Variants in PTPN12 observed in about 807,000 individuals in gnomAD.
PTPN12 encodes the protein protein tyrosine phosphatase non-receptor type 12.
A neutral mutation model predicts 97.6 loss-of-function variants in PTPN12; 29 were observed. The observed-to-expected ratio is 0.30, with a 90% CI of 0.22 to 0.41. The LOEUF is 0.41. PTPN12 is among the 10% of genes least tolerant of loss of function. PTPN12 has a pLI of 1.00. For missense variants in PTPN12, 819 were observed against 926.0 expected, an observed-to-expected ratio of 0.88 and a Z score of 1.50; for synonymous variants, 327 against 300.4, an observed-to-expected ratio of 1.09 and a Z score of -0.91.
At chr7:77,618,409 A>G in intron 11 of PTPN12, 71 bp from the exon 12 acceptor site, 3 of 1,019,416 alleles carry the variant, frequency 2.9e-6, no homozygotes. Flanking sequence ...CACAGAAACA[A>G]TTTAGTTGAA....
At chr7:77,545,052 C>G (rs528915541) in intron 1 of PTPN12, among the ~76,000 whole-genome samples, 1 of 152,176 alleles carries the variant, frequency 6.6e-6, no homozygotes, top group Non-Finnish European at 1.5e-5. Context: ...GCTGCAGTTT[C>G]TTAAGGTAAC....
At chr7:77,600,607 C>G in intron 7 of PTPN12, 57 bp from the exon 8 acceptor site, 1 of 1,437,082 alleles carries the variant, frequency 7.0e-7, no homozygotes, top group East Asian at 2.4e-5. Context: ...ATGAGCTGTG[C>G]AACTTTAAAC....
chr7:77,559,827 T>G (rs1487740889), intron 1 of PTPN12, among the ~76,000 whole-genome samples: 2 of 152,176 alleles, frequency 1.3e-5, no homozygotes, highest in Non-Finnish European at 2.9e-5. Flanking sequence ...CTAGGCTCTG[T>G]GGGGGAAGAA....
At chr7:77,552,210 G>A (rs549114678) in intron 1 of PTPN12, among the ~76,000 whole-genome samples, 24 of 152,208 alleles carry the variant, frequency 1.6e-4, no homozygotes, top group African/African-American at 5.8e-4. Context: ...TCAAACTCCT[G>A]GACTCAACAG....
intron 8 of PTPN12, among the ~76,000 whole-genome samples, chr7:77,605,096 A>G (rs1045271742): frequency 1.3e-5 from 2 of 152,266 alleles, no homozygotes; most frequent in Non-Finnish European, 2.9e-5. Context: ...GTTTTGATGC[A>G]CAGAATTCAC....
At chr7:77,578,570 A>G (rs1033446932) in intron 2 of PTPN12, among the ~76,000 whole-genome samples, 3 of 152,202 alleles carry the variant, frequency 2.0e-5, no homozygotes, top group Non-Finnish European at 4.4e-5. Context: ...AATTAGCAGA[A>G]CTGGGCCTTT....
intron 12 of PTPN12, among the ~76,000 whole-genome samples, chr7:77,623,138 AG>A (rs1789005990): frequency 6.6e-6 from 1 of 152,302 alleles, no homozygotes; most frequent in Non-Finnish European, 1.5e-5. Flanking sequence ...TAAAAAATAT[AG>A]TTTTTTAAGT....
intron 6 of PTPN12, among the ~76,000 whole-genome samples, chr7:77,593,269 CAA>C (rs34709584): frequency 0.43 from 60,594 of 141,256 alleles, 13,527 homozygotes; most frequent in East Asian, 0.74. Flanking sequence ...AACTCCATCT[CAA>C]AAAAAAAAAA....
chr7:77,604,809 T>A lies in PTPN12; in HGVS notation c.696-2426T>A, dbSNP rs555385555. ...GTTTATATCATATATATATATATAT[T>A]TTTATCCACCTGGATTTTTTATGGT... On this transcript the variant is annotated intron_variant, in intron 8 of 17. Transcript: ENST00000248594. 353 of 365,648 alleles carry A rather than the reference T, an allele frequency of 9.7e-4. 1 individual carries two copies. The highest frequency in any genetic ancestry group is 6.2e-3 in the African/African-American group (294 of 47,122). The allele number at this position is 365,648 out of a possible 1,614,324, so 22.7% of individuals were successfully genotyped here. A position where few individuals can be genotyped will look rare whatever the true frequency, so the allele number is the denominator to read the frequency against.
chr7:77,552,229 G>A (rs1050675805), intron 1 of PTPN12, among the ~76,000 whole-genome samples: 3 of 151,926 alleles, frequency 2.0e-5, no homozygotes, highest in Admixed American at 2.0e-4. Flanking sequence ...AGATCCGCCT[G>A]CCTTAGCCTC....
chr7:77,605,409 G>GTTTTTTTTTTTTTTTTT lies in PTPN12; in HGVS notation c.696-1814_696-1798dup, dbSNP rs751962814. Among the ~76,000 whole-genome samples, 8 of 95,542 alleles carry GTTTTTTTTTTTTTTTTT rather than the reference G, an allele frequency of 8.4e-5. 1 individual carries two copies. The highest frequency in any genetic ancestry group is 2.9e-4 in the African/African-American group (7 of 24,238). The allele number at this position is 95,542 out of a possible 152,430, so 62.7% of individuals were successfully genotyped here. A position where few individuals can be genotyped will look rare whatever the true frequency, so the allele number is the denominator to read the frequency against. ...TTACTTTAAAATACTTTTGTCATGA[G>GTTTTTTTTTTTTTTTTT]TTTTTTTTTTTTTTTTTTTTTTTTT... is the stretch of plus-strand genomic sequence containing the variant. On this transcript the variant is annotated intron_variant, in intron 8 of 17. Coordinates refer to ENST00000248594, the MANE Select transcript of PTPN12 (RefSeq NM_002835.4).
At chr7:77,554,576 C>T (rs1807618307) in intron 1 of PTPN12, among the ~76,000 whole-genome samples, 1 of 151,936 alleles carries the variant, frequency 6.6e-6, no homozygotes, top group Admixed American at 6.6e-5. Flanking sequence ...TTTCTTCTTC[C>T]TTTCTTTATG....
Position 77,625,472 on chromosome 7 carries a change from G to GCTCGCGCGCTCTCTCT in PTPN12, c.1026-1230_1026-1229insGCGCGCTCTCTCTCTC. ...TTTTGCCATATTGCCCAGGCTGCTC[G>GCTCGCGCGCTCTCTCT]CTCTCTCTCTCTCTCTCTCTCTCTC... On this transcript the variant is annotated intron_variant, in intron 12 of 17. Coordinates refer to ENST00000248594, the MANE Select transcript of PTPN12 (RefSeq NM_002835.4). Among the ~76,000 whole-genome samples, 213 of 33,522 alleles carry GCTCGCGCGCTCTCTCT rather than the reference G, an allele frequency of 6.4e-3. 30 individuals carry two copies. Among genetic ancestry groups the GCTCGCGCGCTCTCTCT allele is most frequent in the African/African-American group, 0.011 (82 of 7,524 alleles). 22.0% of individuals were successfully genotyped at this position (33,522 alleles called of 152,430 possible).
intron 15 of PTPN12, 38 bp downstream of exon 15, chr7:77,635,887 A>G (rs1412517645): frequency 7.2e-7 from 1 of 1,380,122 alleles, no homozygotes; most frequent in Non-Finnish European, 1.0e-6. Context: ...ATAGCTTAAC[A>G]TTTCTACTCT....
intron 9 of PTPN12, among the ~76,000 whole-genome samples, chr7:77,610,444 C>G (rs1332719434): frequency 6.6e-6 from 1 of 152,178 alleles, no homozygotes; most frequent in Non-Finnish European, 1.5e-5. Flanking sequence ...ATTTCCTTCA[C>G]TTTTTATGGG....
chr7:77,595,753 A>T (rs1380452500), intron 6 of PTPN12, among the ~76,000 whole-genome samples: 2 of 152,180 alleles, frequency 1.3e-5, no homozygotes, highest in East Asian at 3.8e-4. Context: ...TAAAGCAGGT[A>T]TAATAGTATT....
intron 1 of PTPN12, among the ~76,000 whole-genome samples, chr7:77,543,750 T>G (rs575695078): frequency 6.6e-6 from 1 of 152,314 alleles, no homozygotes; most frequent in African/African-American, 2.4e-5. Flanking sequence ...ACATTTTATA[T>G]AAATGGAATC....
intron 2 of PTPN12, among the ~76,000 whole-genome samples, chr7:77,576,677 A>C (rs575061368): frequency 2.0e-5 from 3 of 152,320 alleles, no homozygotes; most frequent in Admixed American, 6.5e-5. Context: ...AACCTGGGTG[A>C]CAGAGCCAGA....
intron 1 of PTPN12, among the ~76,000 whole-genome samples, chr7:77,558,073 T>C (rs1807802479): frequency 6.6e-6 from 1 of 151,312 alleles, no homozygotes; most frequent in African/African-American, 2.4e-5. Flanking sequence ...TAGCTGGGCC[T>C]GGTGGTGGGC....
Sources: allele counts gnomAD v4.1 joint callset (sites outside exome capture counted in the v4.1 genomes callset), GRCh38; gene constraint gnomAD v4.1.1; transcripts MANE v1.5; gene names NCBI Gene and HGNC (gene_info 2026-07-23, HGNC 2026-07-21).